Variants in DNAH7 observed in about 807,000 individuals in gnomAD.
DNAH7 encodes axonemal beta dynein heavy chain 7.
A neutral mutation model predicts 444.6 loss-of-function variants in DNAH7; 397 were observed. The ratio of observed to expected loss-of-function variants is 0.89; its 90% CI spans 0.82 to 0.97. DNAH7 has a LOEUF of 0.97. Among genes scored for constraint, DNAH7 ranks in the 50% least tolerant of loss-of-function variants. The pLI is 0.00. For synonymous variants in DNAH7, 1,636 were observed against 1,624.4 expected (o/e 1.01, Z -0.17); for missense variants, 4,902 against 4,800.8 (o/e 1.02, Z -0.62).
In DNAH7 at chr2:195,738,093, G is replaced by C. The variant is rs1692755541; in HGVS notation, c.11903C>G (p.Pro3968Arg). The change falls in exon 65 of 65, where the codon CCA becomes CGA. Residue 3968 changes from proline (P) to arginine (R), a missense_variant. Physicochemically the swap from Pro to Arg is moderately radical, Grantham distance 103. Coordinates refer to ENST00000312428, the MANE Select transcript of DNAH7 (RefSeq NM_018897.3). ...WLKPCKRADIPKRPSYVAPLY... is the reference protein window; with the variant it reads ...WLKPCKRADIRKRPSYVAPLY... ...TGGAGCAACATAACTTGGCCGTTTTGGTATATCTGCCCTCTTACAGGGCTT... is the reference window on the plus strand; with the variant it reads ...TGGAGCAACATAACTTGGCCGTTTTCGTATATCTGCCCTCTTACAGGGCTT... 1.2e-6 allele frequency: 2 copies of C among 1,613,706 alleles called. No homozygotes were observed. The highest frequency in any genetic ancestry group is 2.7e-5 in the African/African-American group (2 of 74,898).
chr2:195,852,714 G>A (rs1355378434), intron 46 of DNAH7, among the ~76,000 whole-genome samples: 1 of 152,172 alleles, frequency 6.6e-6, no homozygotes, highest in African/African-American at 2.4e-5. Flanking sequence ...GAAAGAGGCA[G>A]AATCAGTCAG....
At chr2:195,989,437 G>A (rs542005320) in intron 12 of DNAH7, among the ~76,000 whole-genome samples, 1 of 152,276 alleles carries the variant, frequency 6.6e-6, no homozygotes, top group South Asian at 2.1e-4. Flanking sequence ...CTGATAATTA[G>A]AGATGTAGAA....
Position 195,987,056 on chromosome 2 carries a change from A to G in DNAH7, c.1754+10T>C, listed in dbSNP as rs376097308. The G allele has an allele frequency of 3.8e-6, 6 of 1,569,022 alleles. No individual in the cohort carries two copies. Among genetic ancestry groups the G allele is most frequent in the Non-Finnish European group, 5.1e-6 (6 of 1,165,262 alleles). On this transcript the variant is annotated intron_variant, in intron 14 of 64. Coordinates refer to ENST00000312428, the MANE Select transcript of DNAH7 (RefSeq NM_018897.3). ...CCCAAAAAATAAAAAAACCAGTATC[A>G]CATAAATACCTTGTATTTACTTCCT...
intron 35 of DNAH7, among the ~76,000 whole-genome samples, chr2:195,883,457 C>T (rs373620860): frequency 1.4e-4 from 21 of 145,564 alleles, no homozygotes; most frequent in African/African-American, 3.4e-4. Flanking sequence ...CCGCTCCCCC[C>T]CCCCAAAAAA....
intron 49 of DNAH7, among the ~76,000 whole-genome samples, chr2:195,820,059 G>A (rs1358076642): frequency 2.0e-5 from 3 of 152,158 alleles, no homozygotes; most frequent in African/African-American, 4.8e-5. Flanking sequence ...TCTACCACTG[G>A]AGAGTGTGCA....
At chr2:195,950,747 A>C (rs1216619946) in intron 19 of DNAH7, among the ~76,000 whole-genome samples, 1 of 148,656 alleles carries the variant, frequency 6.7e-6, no homozygotes, top group East Asian at 2.0e-4. Context: ...AGCTACTCGG[A>C]AGGCTAAGGT....
intron 30 of DNAH7, 51 bp downstream of exon 30, chr2:195,894,925 C>T: frequency 6.7e-7 from 1 of 1,502,594 alleles, no homozygotes; most frequent in Non-Finnish European, 9.0e-7. Flanking sequence ...GTACATTCTA[C>T]CTTGCACAAA....
At chr2:196,049,540 G>A (rs1323637256) in intron 3 of DNAH7, among the ~76,000 whole-genome samples, 3 of 152,138 alleles carry the variant, frequency 2.0e-5, no homozygotes, top group African/African-American at 7.2e-5. Context: ...AATTACTGCT[G>A]GAGAACTTCT....
intron 48 of DNAH7, among the ~76,000 whole-genome samples, chr2:195,833,824 C>T (rs1247718890): frequency 1.3e-5 from 2 of 152,040 alleles, no homozygotes; most frequent in Non-Finnish European, 2.9e-5. Flanking sequence ...GGCACTCTCT[C>T]GGCTCACTGC....
rs981148571 is a variant in DNAH7, at chr2:195,936,599, C to G, written c.3272G>C (p.Arg1091Thr). The G allele has an allele frequency of 6.4e-6, 10 of 1,573,662 alleles. No individual in the cohort carries two copies. The Admixed American group carries it at 1.8e-4, about 28-fold the overall frequency. Residue 1091 changes from arginine to threonine, a missense_variant and splice_region_variant, in exon 20 of 65, where the codon AGG becomes ACG. By Grantham distance (71) the Arg-to-Thr change is moderately conservative. Coordinates refer to ENST00000312428, the MANE Select transcript of DNAH7 (RefSeq NM_018897.3). ...TGTATTCTACATGTAAATTACTTAC[C>G]TAGTGGGATCTTTAGTCTCAGATAG... is the stretch of plus-strand genomic sequence containing the variant. ...EILSETKDPT[R>T]VQPHLKKCFE...
chr2:195,891,899 CAAAG>C lies in DNAH7; in HGVS notation c.4897-99_4897-96del, dbSNP rs1158487248. On this transcript the variant is annotated intron_variant, in intron 30 of 64. Coordinates refer to ENST00000312428, the MANE Select transcript of DNAH7 (RefSeq NM_018897.3). ...CATACAGAAAATCCTAAGGAATCTA[CAAAG>C]AAAGTATTAGAAGTAGTGAATTTGA... 1.3e-5 allele frequency: 13 copies of C among 1,034,998 alleles called. No individual in the cohort carries two copies. The Admixed American group carries it at 2.5e-4, about 20-fold the overall frequency. 64.1% of individuals were successfully genotyped at this position (1,034,998 alleles called of 1,614,324 possible).
intron 46 of DNAH7, among the ~76,000 whole-genome samples, chr2:195,852,919 G>C (rs200290117): frequency 0.067 from 8,167 of 121,080 alleles, 516 homozygotes; most frequent in African/African-American, 0.23. Context: ...CACACACAGA[G>C]AGAGAGAGAG....
At chr2:195,921,951 G>C (rs1688053516) in intron 24 of DNAH7, 137 bp downstream of exon 24, 1 of 564,674 alleles carries the variant, frequency 1.8e-6, no homozygotes, top group Non-Finnish European at 3.2e-6. Flanking sequence ...AAACCTGAGA[G>C]GAAAATCAAG....
intron 61 of DNAH7, among the ~76,000 whole-genome samples, chr2:195,770,188 G>C (rs890276140): frequency 6.6e-6 from 1 of 152,144 alleles, no homozygotes; most frequent in Non-Finnish European, 1.5e-5. Flanking sequence ...GACCAGTTCA[G>C]CTGGATTTCT....
In DNAH7 at chr2:195,737,784, G is replaced by T; in HGVS notation, c.*137C>A. 1 of 717,408 alleles carries T rather than the reference G, an allele frequency of 1.4e-6. No individual in the cohort carries two copies. Among genetic ancestry groups the T allele is most frequent in the Non-Finnish European group, 2.3e-6 (1 of 444,154 alleles). The allele number at this position is 717,408 out of a possible 1,614,324, so 44.4% of individuals were successfully genotyped here. A position where few individuals can be genotyped will look rare whatever the true frequency, so the allele number is the denominator to read the frequency against. On this transcript the variant is annotated 3_prime_UTR_variant, in exon 65 of 65. Coordinates refer to ENST00000312428, the MANE Select transcript of DNAH7 (RefSeq NM_018897.3). ...AGTCATATTAAGTTTAGCTGCATTT[G>T]CTCATAAGTAAATTCATAATTATAA...
chr2:195,936,415 G>T (rs1689056470), intron 20 of DNAH7, among the ~76,000 whole-genome samples, 184 bp downstream of exon 20: 1 of 151,852 alleles, frequency 6.6e-6, no homozygotes, highest in South Asian at 2.1e-4. Context: ...CGATTCCACG[G>T]TTCATTCAGT....
chr2:195,747,220 C>A (rs1367140598), intron 63 of DNAH7, among the ~76,000 whole-genome samples: 1 of 152,098 alleles, frequency 6.6e-6, no homozygotes, highest in East Asian at 1.9e-4. Context: ...ACTACAAACA[C>A]CTCTACGCAA....
chr2:195,844,357 T>G (rs576635346), intron 47 of DNAH7, among the ~76,000 whole-genome samples: 1 of 152,274 alleles, frequency 6.6e-6, no homozygotes, highest in South Asian at 2.1e-4. Context: ...GGCCGAGTGA[T>G]AAAAGGCTCA....
At chr2:195,862,050 T>A in intron 41 of DNAH7, 104 bp from the exon 42 acceptor site, 1 of 848,644 alleles carries the variant, frequency 1.2e-6, no homozygotes, top group Non-Finnish European at 1.9e-6. Flanking sequence ...TGAAGGGGAA[T>A]AGTGTGAGGG....
Sources: allele counts gnomAD v4.1 joint callset (sites outside exome capture counted in the v4.1 genomes callset), GRCh38; gene constraint gnomAD v4.1.1; transcripts MANE v1.5; gene names NCBI Gene and HGNC (gene_info 2026-07-23, HGNC 2026-07-21).